Variants in GNB4 observed in about 807,000 individuals in gnomAD.
GNB4 encodes guanine nucleotide-binding protein subunit beta-4.
Under a neutral mutation model 45.2 loss-of-function variants are expected in GNB4, and 28 were observed. The observed-to-expected ratio is 0.62, with a 90% CI of 0.46 to 0.85. The LOEUF (loss-of-function observed/expected upper bound fraction) is 0.85. GNB4 is among the 40% of genes least tolerant of loss of function. The pLI is 0.00. For missense variants in GNB4, 321 were observed against 425.4 expected (o/e 0.75, Z 2.16); for synonymous variants, 132 against 143.7 (o/e 0.92, Z 0.58).
At chr3:179,408,489 G>GA (rs201246468) in intron 8 of GNB4, among the ~76,000 whole-genome samples, 227 of 151,542 alleles carry the variant, frequency 1.5e-3, no homozygotes, top group East Asian at 1.7e-3. Flanking sequence ...AGAGGAGACA[G>GA]AAAAAAAAAT....
chr3:179,518,003 A>ACG, the GNB4 span, among the ~76,000 whole-genome samples: 1 of 151,006 alleles, frequency 6.6e-6, no homozygotes, highest in Non-Finnish European at 1.5e-5. Context: ...CCCCTTCTCC[A>ACG]CTTTCCTGGG....
intron 1 of GNB4, among the ~76,000 whole-genome samples, chr3:179,433,155 A>G (rs1477297914): frequency 6.6e-6 from 1 of 152,218 alleles, no homozygotes; most frequent in Non-Finnish European, 1.5e-5. Flanking sequence ...TTCCATCTAC[A>G]CTAGTTATAG....
At chr3:179,477,897 G>A in the GNB4 span, among the ~76,000 whole-genome samples, 1 of 152,026 alleles carries the variant, frequency 6.6e-6, no homozygotes, top group Non-Finnish European at 1.5e-5. Context: ...ATAGTTTCAA[G>A]TATTTGTTTT....
the GNB4 span, among the ~76,000 whole-genome samples, chr3:179,483,241 A>G: frequency 6.6e-6 from 1 of 152,140 alleles, no homozygotes; most frequent in Non-Finnish European, 1.5e-5. Context: ...ATAGCTGACC[A>G]CAAAAGACAT....
At chr3:179,492,221 A>G in the GNB4 span, among the ~76,000 whole-genome samples, 2 of 152,146 alleles carry the variant, frequency 1.3e-5, no homozygotes, top group African/African-American at 4.8e-5. Context: ...TGTAGCCTTC[A>G]CCAGGAAGGA....
chr3:179,429,079 T>C (rs2024496), intron 1 of GNB4, among the ~76,000 whole-genome samples: 24,898 of 152,270 alleles, frequency 0.16, 2,185 homozygotes, highest in East Asian at 0.24. Context: ...CCCGGGCCCT[T>C]CCTGCACATT....
intron 4 of GNB4, among the ~76,000 whole-genome samples, chr3:179,418,686 A>G (rs1236170354): frequency 1.3e-5 from 2 of 152,184 alleles, no homozygotes; most frequent in African/African-American, 4.8e-5. Flanking sequence ...AACTTCTATT[A>G]AAACATAGAA....
the GNB4 span, among the ~76,000 whole-genome samples, chr3:179,525,710 G>A: frequency 1.3e-5 from 2 of 152,216 alleles, no homozygotes; most frequent in Non-Finnish European, 2.9e-5. Flanking sequence ...CGGATAAAAT[G>A]TGTCTCCTTT....
intron 4 of GNB4, among the ~76,000 whole-genome samples, chr3:179,418,470 C>CAAAAAAAAAAAAAAAAAAAAA (rs386356535): frequency 1.2e-4 from 11 of 95,344 alleles, no homozygotes; most frequent in Non-Finnish European, 2.1e-4. Context: ...AACTCTGTCT[C>CAAAAAAAAAAAAAAAAAAAAA]AAAAAAAAAA....
At chr3:179,411,290 C>T (rs1177325355) in intron 8 of GNB4, among the ~76,000 whole-genome samples, 2 of 151,940 alleles carry the variant, frequency 1.3e-5, no homozygotes, top group Admixed American at 1.3e-4. Context: ...AGAAATGTCA[C>T]TGTTAAAATC....
At chr3:179,501,742 C>T in the GNB4 span, among the ~76,000 whole-genome samples, 1 of 152,168 alleles carries the variant, frequency 6.6e-6, no homozygotes, top group Non-Finnish European at 1.5e-5. Context: ...GTAAATATCT[C>T]AGGTCAAAAA....
At chr3:179,457,254 G>A in the GNB4 span, among the ~76,000 whole-genome samples, 1 of 152,146 alleles carries the variant, frequency 6.6e-6, no homozygotes, top group African/African-American at 2.4e-5. Context: ...AATGGACCAG[G>A]ATATCCAAAT....
intron 1 of GNB4, among the ~76,000 whole-genome samples, chr3:179,446,178 C>T (rs919621702): frequency 1.3e-5 from 2 of 152,202 alleles, no homozygotes; most frequent in African/African-American, 2.4e-5. Flanking sequence ...GGAAATTCTC[C>T]GGTCCCTGTA....
chr3:179,438,051 G>A lies in GNB4; in HGVS notation c.-42-11809C>T, dbSNP rs541856591. 2.4e-3 allele frequency among the ~76,000 whole-genome samples: 358 copies of A among 150,844 alleles called. 2 individuals are homozygous for A. Among genetic ancestry groups the A allele is most frequent in the African/African-American group, 3.4e-3 (139 of 41,152 alleles). ...TGTGCCACTGCACTCTAGCCTGGGC[G>A]ACAGAGTGAGACCTCATCTCAAAAA... is the stretch of plus-strand genomic sequence containing the variant. On this transcript the variant is annotated intron_variant, in intron 1 of 9. Transcript: ENST00000232564.
At chr3:179,444,720 T>C (rs1322680487) in intron 1 of GNB4, among the ~76,000 whole-genome samples, 1 of 152,134 alleles carries the variant, frequency 6.6e-6, no homozygotes, top group African/African-American at 2.4e-5. Context: ...TCAAAAAGTA[T>C]ATACATGCAT....
the GNB4 span, among the ~76,000 whole-genome samples, chr3:179,523,563 A>G: frequency 6.6e-6 from 1 of 152,204 alleles, no homozygotes; most frequent in African/African-American, 2.4e-5. Context: ...TGGTTTTTGG[A>G]CAGGTAAAAT....
the GNB4 span, among the ~76,000 whole-genome samples, chr3:179,517,960 A>G: frequency 6.6e-6 from 1 of 152,014 alleles, no homozygotes; most frequent in South Asian, 2.1e-4. Flanking sequence ...CTGGGGGGCA[A>G]GAACCCTCTG....
upstream of GNB4, chr3:179,451,600 C>A (rs1715879734): frequency 6.6e-6 from 1 of 150,822 alleles, no homozygotes; most frequent in Non-Finnish European, 1.5e-5. Context: ...GACGCGCAGA[C>A]CCTCGGAGCG....
At chr3:179,420,175 G>C (rs111486963) in intron 3 of GNB4, among the ~76,000 whole-genome samples, 13 of 149,802 alleles carry the variant, frequency 8.7e-5, no homozygotes, top group African/African-American at 3.2e-4. Context: ...TTGTCTCCTG[G>C]GCTGGAATGC....
Sources: allele counts gnomAD v4.1 joint callset (sites outside exome capture counted in the v4.1 genomes callset), GRCh38; gene constraint gnomAD v4.1.1; transcripts MANE v1.5; gene names NCBI Gene and HGNC (gene_info 2026-07-23, HGNC 2026-07-21).